LMX1A: variants seen among roughly 807,000 people sequenced by gnomAD.
The protein encoded by LMX1A is LIM homeobox transcription factor 1-alpha.
Under a neutral mutation model 49.1 loss-of-function variants are expected in LMX1A, and 15 were observed. The observed-to-expected ratio is 0.31, with a 90% CI of 0.20 to 0.47. The LOEUF (loss-of-function observed/expected upper bound fraction) is 0.47, where lower values mean the gene tolerates loss of function less well. LMX1A is among the 20% of genes least tolerant of loss of function. The pLI, the probability that LMX1A is intolerant of heterozygous loss-of-function variation, is 1.00. For missense variants in LMX1A, 372 were observed against 475.8 expected, an observed-to-expected ratio of 0.78 and a Z score of 2.03; for synonymous variants, 167 against 185.7, an observed-to-expected ratio of 0.90 and a Z score of 0.82.
At chr1:165,275,837 G>GTGTGTA (rs1159178300) in intron 3 of LMX1A, among the ~76,000 whole-genome samples, 9 of 73,334 alleles carry the variant, frequency 1.2e-4, no homozygotes, top group African/African-American at 3.5e-4. Flanking sequence ...TGGCGCTGGG[G>GTGTGTA]TGTGTGTGTA....
At chr1:165,296,478 G>A (rs1321258034) in intron 3 of LMX1A, among the ~76,000 whole-genome samples, 3 of 152,270 alleles carry the variant, frequency 2.0e-5, no homozygotes, top group Non-Finnish European at 4.4e-5. Context: ...CCAATTGCAT[G>A]TGGCTCAGTG....
intron 3 of LMX1A, among the ~76,000 whole-genome samples, chr1:165,267,187 C>T (rs79008239): frequency 0.041 from 6,220 of 152,280 alleles, 430 homozygotes; most frequent in African/African-American, 0.14. Flanking sequence ...TGGGCCACCA[C>T]CAATCTGAGT....
intron 3 of LMX1A, among the ~76,000 whole-genome samples, chr1:165,315,695 C>CT (rs759457372): frequency 6.6e-5 from 10 of 152,184 alleles, no homozygotes; most frequent in Non-Finnish European, 5.9e-5. Context: ...CTGGCCCCCT[C>CT]TACCCCCAGG....
intron 4 of LMX1A, among the ~76,000 whole-genome samples, chr1:165,225,849 TCCCA>T (rs1652017194): frequency 1.4e-5 from 2 of 147,622 alleles, no homozygotes; most frequent in South Asian, 4.6e-4. Context: ...ACCCCTACAC[TCCCA>T]CCCCTGCAGG....
chr1:165,292,584 G>T (rs1057378419), intron 3 of LMX1A, among the ~76,000 whole-genome samples: 1 of 152,188 alleles, frequency 6.6e-6, no homozygotes, highest in East Asian at 1.9e-4. Context: ...CAGCTAACAG[G>T]CCTGACTGGT....
intron 5 of LMX1A, chr1:165,211,446 C>G (rs1651387239): frequency 6.6e-6 from 1 of 152,328 alleles, no homozygotes; most frequent in South Asian, 2.1e-4. Flanking sequence ...CATACAGGCA[C>G]ACAGTGAGGG....
At chr1:165,327,000 G>C (rs1413627998) in intron 3 of LMX1A, among the ~76,000 whole-genome samples, 1 of 152,168 alleles carries the variant, frequency 6.6e-6, no homozygotes, top group Non-Finnish European at 1.5e-5. Context: ...TGCTGAGACA[G>C]AGAAACCCTA....
chr1:165,290,511 G>A (rs73013443), intron 3 of LMX1A, among the ~76,000 whole-genome samples: 134 of 151,884 alleles, frequency 8.8e-4, no homozygotes, highest in African/African-American at 3.1e-3. Flanking sequence ...TAGCATTTCA[G>A]GCCCACCCAG....
At chr1:165,340,287 T>G (rs1213357370) in intron 3 of LMX1A, among the ~76,000 whole-genome samples, 1 of 151,998 alleles carries the variant, frequency 6.6e-6, no homozygotes, top group African/African-American at 2.4e-5. Context: ...GTTTTTATTT[T>G]TTTAGAGATG....
chr1:165,246,840 A>G (rs1652866224), intron 4 of LMX1A, among the ~76,000 whole-genome samples: 1 of 152,184 alleles, frequency 6.6e-6, no homozygotes. Flanking sequence ...TGTGCCTGGC[A>G]TGATACAAGC....
intron 3 of LMX1A, among the ~76,000 whole-genome samples, chr1:165,260,101 T>A (rs969551221): frequency 2.0e-5 from 3 of 152,192 alleles, no homozygotes; most frequent in African/African-American, 4.8e-5. Flanking sequence ...CCGTTTTCCT[T>A]TTAGGGAGTT....
chr1:165,350,840 T>C (rs921245944), intron 3 of LMX1A, among the ~76,000 whole-genome samples: 3 of 152,202 alleles, frequency 2.0e-5, no homozygotes, highest in Non-Finnish European at 4.4e-5. Context: ...TAAAATAAAA[T>C]TAAAATCCTT....
At chr1:165,265,890 T>G (rs896132105) in intron 3 of LMX1A, among the ~76,000 whole-genome samples, 8 of 152,064 alleles carry the variant, frequency 5.3e-5, no homozygotes, top group Admixed American at 2.0e-4. Context: ...GGGAGAAATA[T>G]GACTTTCATA....
chr1:165,355,984 T>C lies in LMX1A; in HGVS notation c.-23+371A>G, dbSNP rs1656596662. ...GTATATTGGGTATATAAAGAGTGGG[T>C]ACCCTCCCTCGAGCGACCGGGTCCA... On this transcript the variant is annotated intron_variant, in intron 1 of 8. Coordinates refer to ENST00000342310, the MANE Select transcript of LMX1A (RefSeq NM_177398.4). This position sits in a 1 kb window ranked among gnomAD's most constrained non-coding sequence, Gnocchi z 4.7. 1 of 162,664 alleles carries C rather than the reference T, an allele frequency of 6.1e-6. No homozygotes were observed. 10.1% of individuals were successfully genotyped at this position (162,664 alleles called of 1,614,324 possible). A position where few individuals can be genotyped will look rare whatever the true frequency, so the allele number is the denominator to read the frequency against.
At chr1:165,330,250 G>A (rs1157136572) in intron 3 of LMX1A, among the ~76,000 whole-genome samples, 3 of 152,212 alleles carry the variant, frequency 2.0e-5, no homozygotes, top group Non-Finnish European at 4.4e-5. Flanking sequence ...AAGGCTGGAG[G>A]TTCACTTGAT....
chr1:165,222,756 C>T (rs1014677690), intron 4 of LMX1A, among the ~76,000 whole-genome samples: 8 of 152,224 alleles, frequency 5.3e-5, no homozygotes, highest in South Asian at 2.1e-4. Flanking sequence ...CCGTGGTTCC[C>T]GACCAGGCCT....
intron 3 of LMX1A, among the ~76,000 whole-genome samples, chr1:165,311,612 C>T (rs918222113): frequency 6.6e-6 from 1 of 152,358 alleles, no homozygotes; most frequent in African/African-American, 2.4e-5. Context: ...TGAAGACCAA[C>T]AGCCTCCTTC....
At chr1:165,320,041 G>A (rs1364804283) in intron 3 of LMX1A, among the ~76,000 whole-genome samples, 1 of 151,914 alleles carries the variant, frequency 6.6e-6, no homozygotes, top group Admixed American at 6.6e-5. Flanking sequence ...AGGGTAGTAA[G>A]GAACATTTGT....
intron 3 of LMX1A, among the ~76,000 whole-genome samples, chr1:165,307,204 G>A (rs1052537468): frequency 1.3e-5 from 2 of 152,192 alleles, no homozygotes; most frequent in Admixed American, 6.5e-5. Flanking sequence ...GAAAGTGAGA[G>A]GAAAGATAAA....
Sources: gnomAD v4.1 joint callset for allele counts (sites outside exome capture counted in the v4.1 genomes callset) on GRCh38, gnomAD v4.1.1 for gene constraint, Gnocchi (gnomAD v3.1) non-coding constraint, MANE v1.5 for transcripts, NCBI Gene and HGNC (gene_info 2026-07-23, HGNC 2026-07-21) for gene names.